The following RORA variants were observed in gnomAD, a reference collection of about 807,000 sequenced individuals.
The protein encoded by RORA is nuclear receptor ROR-alpha.
In RORA, 7 loss-of-function variants were observed where a neutral mutation model predicts 69.5. That is an observed-to-expected ratio of 0.10 (90% CI 0.06 to 0.19). The LOEUF (loss-of-function observed/expected upper bound fraction) is 0.19. Among genes scored for constraint, RORA ranks in the 10% least tolerant of loss-of-function variants. The pLI is 1.00. For missense variants in RORA, 457 were observed against 663.0 expected (o/e 0.69, Z 3.41); for synonymous variants, 261 against 240.8 (o/e 1.08, Z -0.78).
chr15:60,763,065 A>ATTTTTTTTCTTTTTTTTTTTTTT (rs2071920183), intron 1 of RORA, among the ~76,000 whole-genome samples: 1 of 48,368 alleles, frequency 2.1e-5, no homozygotes, highest in East Asian at 6.8e-4. Flanking sequence ...ATATGCACAG[A>ATTTTTTTTCTTTTTTTTTTTTTT]TTTTTTTTTT....
intron 1 of RORA, among the ~76,000 whole-genome samples, chr15:60,741,643 T>C (rs1420562350): frequency 6.6e-6 from 1 of 152,138 alleles, no homozygotes; most frequent in Admixed American, 6.5e-5. Context: ...CCATAATTCC[T>C]CATAGCAGAT....
Position 60,491,321 on chromosome 15 carries a change from A to G in RORA, c.*6134T>C, listed in dbSNP as rs1380372913. The G allele has an allele frequency of 3.9e-5, 6 of 152,182 alleles. No homozygotes were observed. Among genetic ancestry groups the G allele is most frequent in the Non-Finnish European group, 5.9e-5 (4 of 68,018 alleles). 9.4% of individuals were successfully genotyped at this position (152,182 alleles called of 1,614,324 possible). A position where few individuals can be genotyped will look rare whatever the true frequency, so the allele number is the denominator to read the frequency against. On this transcript the variant is annotated 3_prime_UTR_variant, in exon 11 of 11. Coordinates refer to ENST00000335670, the MANE Select transcript of RORA (RefSeq NM_134261.3). The stretch of plus-strand genomic sequence containing the variant: ...AGAACAACATAATGGCATGTGCAAC[A>G]TGTCAAAGCTAATAGCAAGCTATCT...
At chr15:60,944,604 G>T (rs921111198) in intron 1 of RORA, among the ~76,000 whole-genome samples, 14 of 149,726 alleles carry the variant, frequency 9.4e-5, no homozygotes, top group Non-Finnish European at 2.1e-4. Context: ...AAGCATCTGT[G>T]ATCTCAGCTA....
At chr15:61,039,040 A>G (rs1051217909) in intron 1 of RORA, 1 of 152,176 alleles carries the variant, frequency 6.6e-6, no homozygotes, top group African/African-American at 2.4e-5. Context: ...GACTCACGGG[A>G]TATTTGTGAG....
chr15:60,513,411 A>G (rs1290979178), intron 4 of RORA, among the ~76,000 whole-genome samples: 1 of 152,214 alleles, frequency 6.6e-6, no homozygotes, highest in Non-Finnish European at 1.5e-5. Flanking sequence ...CACAGGTGAA[A>G]CTTTCTGCTG....
At chr15:60,634,378 C>T (rs2069796597) in intron 2 of RORA, among the ~76,000 whole-genome samples, 1 of 149,976 alleles carries the variant, frequency 6.7e-6, no homozygotes, top group Non-Finnish European at 1.5e-5. Flanking sequence ...ATTTGTCTTT[C>T]TGAGAGAAGC....
intron 1 of RORA, among the ~76,000 whole-genome samples, chr15:61,127,450 C>T (rs1216902546): frequency 1.3e-5 from 2 of 152,176 alleles, no homozygotes; most frequent in Non-Finnish European, 2.9e-5. Context: ...CACACCTTTT[C>T]GGCTCTTTGT....
intron 1 of RORA, among the ~76,000 whole-genome samples, chr15:60,997,395 G>C (rs1894587318): frequency 6.6e-6 from 1 of 152,030 alleles, no homozygotes; most frequent in Non-Finnish European, 1.5e-5. Flanking sequence ...AATCTTCCGA[G>C]AGTCAAGTCT....
intron 1 of RORA, among the ~76,000 whole-genome samples, chr15:60,770,010 T>A (rs1230576073): frequency 6.6e-6 from 1 of 152,206 alleles, no homozygotes; most frequent in Non-Finnish European, 1.5e-5. Flanking sequence ...CTGTTTTGAG[T>A]TTTATTTGCA....
intron 1 of RORA, among the ~76,000 whole-genome samples, chr15:61,144,735 T>C (rs904910176): frequency 6.6e-6 from 1 of 152,188 alleles, no homozygotes; most frequent in Non-Finnish European, 1.5e-5. Context: ...ATTTGGCAGA[T>C]CTTTCTAAAT....
chr15:61,026,672 T>C (rs1277971111), intron 1 of RORA, among the ~76,000 whole-genome samples: 8 of 152,212 alleles, frequency 5.3e-5, no homozygotes, highest in Non-Finnish European at 1.0e-4. Context: ...TCAAGAGACA[T>C]GTTTATTAAT....
At chr15:60,885,637 AAT>A (rs1184460161) in intron 1 of RORA, among the ~76,000 whole-genome samples, 2 of 152,212 alleles carry the variant, frequency 1.3e-5, no homozygotes, top group East Asian at 3.8e-4. Flanking sequence ...TTGAATCAAA[AAT>A]ATATATATTT....
intron 1 of RORA, among the ~76,000 whole-genome samples, chr15:61,115,701 A>C (rs1418199300): frequency 6.6e-6 from 1 of 152,178 alleles, no homozygotes; most frequent in Non-Finnish European, 1.5e-5. Flanking sequence ...AAGCCCTGAG[A>C]AGGAAGGATC....
chr15:60,638,515 C>G (rs1226728376), intron 2 of RORA, among the ~76,000 whole-genome samples: 1 of 150,656 alleles, frequency 6.6e-6, no homozygotes, highest in Non-Finnish European at 1.5e-5. Context: ...AGTGGATTTT[C>G]TATTTCTTCA....
At chr15:60,873,785 G>A (rs341365) in intron 1 of RORA, among the ~76,000 whole-genome samples, 60,536 of 151,954 alleles carry the variant, frequency 0.4, 13,683 homozygotes, top group African/African-American at 0.62. Flanking sequence ...AGAGATATCC[G>A]GTTGCTGTTT....
chr15:60,962,148 A>G (rs1893431854), intron 1 of RORA, among the ~76,000 whole-genome samples: 1 of 152,150 alleles, frequency 6.6e-6, no homozygotes, highest in Non-Finnish European at 1.5e-5. Flanking sequence ...TTCTTCTTCA[A>G]TGCCTTCAAT....
intron 1 of RORA, among the ~76,000 whole-genome samples, chr15:60,968,707 T>C (rs915124096): frequency 6.6e-6 from 1 of 152,206 alleles, no homozygotes; most frequent in Non-Finnish European, 1.5e-5. Context: ...TGAGAGTAAT[T>C]TGTTGTCTTG....
chr15:60,867,207 C>T (rs2073499385), intron 1 of RORA, among the ~76,000 whole-genome samples: 2 of 152,086 alleles, frequency 1.3e-5, no homozygotes, highest in African/African-American at 4.8e-5. Flanking sequence ...AGTAAGAAAA[C>T]TGTTGTCCTG....
At chr15:60,528,881 A>G (rs2066444814) in intron 3 of RORA, 1 of 152,256 alleles carries the variant, frequency 6.6e-6, no homozygotes, top group Admixed American at 6.5e-5. Context: ...GGTAAATAGC[A>G]GAGCTGGGAT....
Sources: allele counts gnomAD v4.1 joint callset (sites outside exome capture counted in the v4.1 genomes callset), GRCh38; gene constraint gnomAD v4.1.1; transcripts MANE v1.5; gene names NCBI Gene and HGNC (gene_info 2026-07-23, HGNC 2026-07-21).